CTNNA2: variants seen among roughly 807,000 people sequenced by gnomAD.
CTNNA2 encodes catenin alpha 2.
Under a neutral mutation model 101.0 loss-of-function variants are expected in CTNNA2, and 42 were observed. The observed-to-expected ratio is 0.42, with a 90% CI of 0.32 to 0.54. CTNNA2 has a LOEUF of 0.54. Among genes scored for constraint, CTNNA2 ranks in the 20% least tolerant of loss-of-function variants. CTNNA2 has a pLI of 0.14. For synonymous variants in CTNNA2, 450 were observed against 456.4 expected, an observed-to-expected ratio of 0.99 and a Z score of 0.18; for missense variants, 871 against 1,223.1, an observed-to-expected ratio of 0.71 and a Z score of 4.29.
intron 1 of CTNNA2, among the ~76,000 whole-genome samples, chr2:79,631,084 T>C (rs1679661403): frequency 6.6e-6 from 1 of 152,146 alleles, no homozygotes; most frequent in Admixed American, 6.5e-5. Flanking sequence ...TCTGTTGCAT[T>C]TATTTTATCA....
chr2:79,845,403 T>C (rs890083844), intron 3 of CTNNA2, among the ~76,000 whole-genome samples: 1 of 152,118 alleles, frequency 6.6e-6, no homozygotes, highest in Non-Finnish European at 1.5e-5. Flanking sequence ...TGAAATGATA[T>C]ATAATTATAT....
chr2:79,946,112 A>G (rs1452703955), intron 7 of CTNNA2, among the ~76,000 whole-genome samples: 1 of 152,178 alleles, frequency 6.6e-6, no homozygotes, highest in Non-Finnish European at 1.5e-5. Context: ...GAGTGGTCAG[A>G]GCCCCCTGCA....
chr2:80,205,560 A>G (rs370261169), intron 7 of CTNNA2, among the ~76,000 whole-genome samples: 67 of 152,292 alleles, frequency 4.4e-4, no homozygotes, highest in South Asian at 4.4e-3. Context: ...AAATGAAACA[A>G]TTTTCTTCTT....
intron 7 of CTNNA2, among the ~76,000 whole-genome samples, chr2:80,217,293 C>G (rs543703970): frequency 6.6e-6 from 1 of 152,184 alleles, no homozygotes; most frequent in South Asian, 2.1e-4. Context: ...ACATTGGTTT[C>G]TAAACCCATA....
At chr2:79,975,709 T>G (rs1690789309) in intron 7 of CTNNA2, among the ~76,000 whole-genome samples, 1 of 152,180 alleles carries the variant, frequency 6.6e-6, no homozygotes, top group Non-Finnish European at 1.5e-5. Flanking sequence ...TGAAGGATAT[T>G]ACAAAAGATA....
intron 15 of CTNNA2, among the ~76,000 whole-genome samples, chr2:80,601,019 A>C (rs1176827019): frequency 6.6e-6 from 1 of 152,208 alleles, no homozygotes; most frequent in Non-Finnish European, 1.5e-5. Flanking sequence ...TACAGGGGAA[A>C]AAGCCCTGAA....
chr2:79,993,529 A>G (rs1336618874), intron 7 of CTNNA2, among the ~76,000 whole-genome samples: 1 of 152,220 alleles, frequency 6.6e-6, no homozygotes, highest in African/African-American at 2.4e-5. Context: ...GTGGAGTAAC[A>G]ACAAAGGTAG....
intron 8 of CTNNA2, among the ~76,000 whole-genome samples, chr2:80,417,778 G>A (rs527460584): frequency 4.6e-5 from 7 of 151,972 alleles, no homozygotes; most frequent in Non-Finnish European, 1.0e-4. Context: ...AGTGTGCCTA[G>A]GGATGATGGT....
At chr2:80,239,040 C>T (rs1056906865) in intron 7 of CTNNA2, among the ~76,000 whole-genome samples, 10 of 152,148 alleles carry the variant, frequency 6.6e-5, no homozygotes, top group Admixed American at 5.2e-4. Context: ...CATAATTTTT[C>T]ACTTAAACAA....
chr2:79,786,487 A>ATT (rs10648026), intron 3 of CTNNA2, among the ~76,000 whole-genome samples: 20,183 of 151,634 alleles, frequency 0.13, 2,062 homozygotes, highest in East Asian at 0.36. Flanking sequence ...TTAAGTAAAG[A>ATT]TATTTTTTTT....
chr2:80,181,605 G>C (rs569805388), intron 7 of CTNNA2, among the ~76,000 whole-genome samples: 101 of 152,246 alleles, frequency 6.6e-4, no homozygotes, highest in African/African-American at 2.4e-3. Context: ...TGGAAGATTT[G>C]AGGCTCAGTA....
chr2:79,287,934 G>A (rs111240857), intron 2 of CTNNA2, among the ~76,000 whole-genome samples: 12,692 of 152,310 alleles, frequency 0.083, 606 homozygotes, highest in African/African-American at 0.13. Context: ...AGCCAGGTGC[G>A]GGATATAATC....
chr2:79,204,827 G>C, intron 2 of CTNNA2, among the ~76,000 whole-genome samples: 1 of 152,158 alleles, frequency 6.6e-6, no homozygotes, highest in African/African-American at 2.4e-5. Flanking sequence ...CAGAAGAGAG[G>C]AAACCCACCT....
intron 4 of CTNNA2, among the ~76,000 whole-genome samples, chr2:79,464,869 G>A (rs775013404): frequency 6.6e-6 from 1 of 151,786 alleles, no homozygotes; most frequent in Non-Finnish European, 1.5e-5. Flanking sequence ...GTTCTTTGTA[G>A]ATTCTGGATA....
chr2:80,042,355 G>A (rs569121267), intron 7 of CTNNA2, among the ~76,000 whole-genome samples: 142 of 152,266 alleles, frequency 9.3e-4, no homozygotes, highest in Middle Eastern at 3.4e-3. Flanking sequence ...GGAGAATGGC[G>A]TCAAGGCTTA....
At chr2:79,323,670 G>T (rs1676676942) in intron 3 of CTNNA2, among the ~76,000 whole-genome samples, 2 of 152,130 alleles carry the variant, frequency 1.3e-5, no homozygotes, top group Admixed American at 1.3e-4. Flanking sequence ...TGAATCTGTT[G>T]GTTCTTCCCT....
intron 1 of CTNNA2, among the ~76,000 whole-genome samples, chr2:79,537,675 A>C (rs1380259917): frequency 6.6e-6 from 1 of 152,216 alleles, no homozygotes; most frequent in Non-Finnish European, 1.5e-5. Context: ...ACTATGTAAA[A>C]GTAGAATGCA....
chr2:79,843,529 C>G (rs1198035136), intron 3 of CTNNA2, among the ~76,000 whole-genome samples: 1 of 152,328 alleles, frequency 6.6e-6, no homozygotes, highest in South Asian at 2.1e-4. Flanking sequence ...TCTTCCTTCA[C>G]GGCCCTAAAT....
chr2:79,568,606 A>C (rs1439370006), intron 1 of CTNNA2, among the ~76,000 whole-genome samples: 1 of 152,178 alleles, frequency 6.6e-6, no homozygotes, highest in Non-Finnish European at 1.5e-5. Flanking sequence ...CAAAAAAAGA[A>C]AAGTAACGAA....
Sources: gnomAD v4.1 joint callset for allele counts (sites outside exome capture counted in the v4.1 genomes callset) on GRCh38, gnomAD v4.1.1 for gene constraint, MANE v1.5 for transcripts, NCBI Gene and HGNC (gene_info 2026-07-23, HGNC 2026-07-21) for gene names.